FBXL13: variants seen among roughly 807,000 people sequenced by gnomAD.
FBXL13 encodes F-box and leucine rich repeat protein 13, also known as F-box and leucine-rich repeat protein 13.
FBXL13 carries 67 observed loss-of-function variants against 83.6 expected under a neutral mutation model. The observed-to-expected ratio is 0.80, with a 90% CI of 0.66 to 0.98. FBXL13 has a LOEUF of 0.98. FBXL13 is among the 50% of genes least tolerant of loss of function. The pLI is 0.00. For synonymous variants in FBXL13, 272 were observed against 299.5 expected (o/e 0.91, Z 0.95); for missense variants, 822 against 866.5 (o/e 0.95, Z 0.64).
chr7:102,935,956 G>A (rs527260298), intron 8 of FBXL13, among the ~76,000 whole-genome samples: 111 of 152,236 alleles, frequency 7.3e-4, no homozygotes, highest in African/African-American at 2.6e-3. Flanking sequence ...TATTAATGTT[G>A]TCAGGCATCC....
chr7:102,851,199 A>C (rs138329801), intron 17 of FBXL13, among the ~76,000 whole-genome samples: 3 of 152,310 alleles, frequency 2.0e-5, no homozygotes, highest in African/African-American at 7.2e-5. Context: ...CCAGAAGTTT[A>C]GAATTCAATG....
intron 17 of FBXL13, among the ~76,000 whole-genome samples, chr7:102,852,913 C>T (rs1246314504): frequency 6.6e-6 from 1 of 152,114 alleles, no homozygotes; most frequent in Non-Finnish European, 1.5e-5. Context: ...GCACAATTCG[C>T]AATTGCAAAA....
chr7:103,053,506 G>T (rs954196022), intron 2 of FBXL13, among the ~76,000 whole-genome samples: 2 of 152,178 alleles, frequency 1.3e-5, no homozygotes, highest in Admixed American at 6.5e-5. Context: ...CTGGACACTG[G>T]ACACAGCCTG....
intron 6 of FBXL13, among the ~76,000 whole-genome samples, chr7:102,976,434 C>T (rs1208347184): frequency 6.6e-6 from 1 of 152,140 alleles, no homozygotes; most frequent in East Asian, 1.9e-4. Flanking sequence ...TCATGCCCAA[C>T]TCCGCTCCAA....
chr7:102,814,836 G>A (rs1797773248), intron 19 of FBXL13, among the ~76,000 whole-genome samples: 1 of 152,022 alleles, frequency 6.6e-6, no homozygotes, highest in African/African-American at 2.4e-5. Flanking sequence ...TTTTTTTAAG[G>A]TGCTAGCCTG....
chr7:103,021,042 AG>A (rs1793100737), intron 6 of FBXL13, among the ~76,000 whole-genome samples: 1 of 152,204 alleles, frequency 6.6e-6, no homozygotes, highest in Admixed American at 6.6e-5. Flanking sequence ...CTAAGCAAAA[AG>A]AACAAAGCTG....
intron 1 of FBXL13, among the ~76,000 whole-genome samples, chr7:103,059,085 C>T (rs1260973432): frequency 6.6e-6 from 1 of 152,038 alleles, no homozygotes; most frequent in Non-Finnish European, 1.5e-5. Flanking sequence ...TACAGTGAGA[C>T]CCCATCTCTA....
chr7:103,017,178 G>A (rs1264441045), intron 6 of FBXL13, among the ~76,000 whole-genome samples: 2 of 152,118 alleles, frequency 1.3e-5, no homozygotes, highest in Non-Finnish European at 2.9e-5. Flanking sequence ...AATATTTGCT[G>A]TTCTGCAGCC....
At chr7:102,831,627 C>T (rs1360286208) in intron 18 of FBXL13, among the ~76,000 whole-genome samples, 1 of 152,042 alleles carries the variant, frequency 6.6e-6, no homozygotes, top group Non-Finnish European at 1.5e-5. Context: ...ATTTTCATCC[C>T]CACTCTTAAC....
chr7:103,029,464 G>A, intron 2 of FBXL13, 46 bp from the exon 4 acceptor site: 1 of 1,095,190 alleles, frequency 9.1e-7, no homozygotes, highest in Non-Finnish European at 1.3e-6. Context: ...GAAATAAATG[G>A]AATGCACAGA....
chr7:103,000,200 T>C (rs962500045), intron 6 of FBXL13, among the ~76,000 whole-genome samples: 1 of 152,144 alleles, frequency 6.6e-6, no homozygotes, highest in Admixed American at 6.5e-5. Context: ...TTCCATGTGT[T>C]TGTATAGTTT....
At chr7:103,022,930 A>G (rs1340692040) in intron 6 of FBXL13, among the ~76,000 whole-genome samples, 1 of 152,256 alleles carries the variant, frequency 6.6e-6, no homozygotes. Flanking sequence ...TACATCCAAC[A>G]GAAGTCTAAT....
intron 6 of FBXL13, among the ~76,000 whole-genome samples, chr7:103,011,908 A>G (rs1791672623): frequency 1.3e-5 from 2 of 152,194 alleles, no homozygotes; most frequent in Non-Finnish European, 2.9e-5. Flanking sequence ...AGGGAGAGAA[A>G]CCAAGGACCT....
At chr7:103,035,512 AT>A (rs533994480) in intron 2 of FBXL13, among the ~76,000 whole-genome samples, 2 of 152,232 alleles carry the variant, frequency 1.3e-5, no homozygotes, top group Non-Finnish European at 2.9e-5. Flanking sequence ...GACTTAACAG[AT>A]ACCAAATTTA....
chr7:103,059,874 T>C (rs183503384), intron 1 of FBXL13, among the ~76,000 whole-genome samples: 1 of 151,790 alleles, frequency 6.6e-6, no homozygotes, highest in African/African-American at 2.4e-5. Flanking sequence ...CATGCAACCA[T>C]TGACAAATTA....
intron 19 of FBXL13, among the ~76,000 whole-genome samples, chr7:102,819,168 CCT>C (rs1469993354): frequency 6.6e-6 from 1 of 152,128 alleles, no homozygotes; most frequent in East Asian, 1.9e-4. Flanking sequence ...GGTCTTTCTT[CCT>C]CTCTCTCACT....
chr7:102,944,533 G>A, intron 8 of FBXL13: 1 of 1,613,498 alleles, frequency 6.2e-7, no homozygotes, highest in East Asian at 2.2e-5. Flanking sequence ...AGACACAGAA[G>A]ATGATGAATG....
At chr7:102,953,502 G>A (rs1043306624) in intron 8 of FBXL13, among the ~76,000 whole-genome samples, 22 of 152,080 alleles carry the variant, frequency 1.4e-4, no homozygotes, top group African/African-American at 2.4e-5. Flanking sequence ...GGAATATATG[G>A]GAGCTTCCTC....
intron 8 of FBXL13, among the ~76,000 whole-genome samples, chr7:102,954,343 G>A (rs1307955858): frequency 1.3e-5 from 2 of 152,200 alleles, no homozygotes; most frequent in East Asian, 3.8e-4. Context: ...AGCAAATGCT[G>A]AGAGATTTTG....
Sources: gnomAD v4.1 joint callset for allele counts (sites outside exome capture counted in the v4.1 genomes callset) on GRCh38, gnomAD v4.1.1 for gene constraint, MANE v1.5 for transcripts, NCBI Gene and HGNC (gene_info 2026-07-23, HGNC 2026-07-21) for gene names.